Variants in AMPD1 observed in about 807,000 individuals in gnomAD.
AMPD1 encodes AMP deaminase 1.
A neutral mutation model predicts 82.9 loss-of-function variants in AMPD1; 74 were observed. That is an observed-to-expected ratio of 0.89 (90% CI 0.74 to 1.08). The LOEUF is 1.08. Among genes scored for constraint, AMPD1 ranks in the 50% least tolerant of loss-of-function variants. AMPD1 has a pLI of 0.00. For missense variants in AMPD1, 881 were observed against 924.5 expected (o/e 0.95, Z 0.61); for synonymous variants, 333 against 320.5 (o/e 1.04, Z -0.42).
At chr1:114,679,861 T>C (rs764929472) in intron 6 of AMPD1, among the ~76,000 whole-genome samples, 153 bp from the exon 7 acceptor site, 2 of 152,176 alleles carry the variant, frequency 1.3e-5, no homozygotes, top group Non-Finnish European at 2.9e-5. Flanking sequence ...CACTGAGAAG[T>C]AGTGGGCTCC....
Position 114,686,924 on chromosome 1 carries a change from T to A in AMPD1, c.216-14A>T. On this transcript the variant is annotated splice_polypyrimidine_tract_variant and intron_variant, in intron 3 of 15. Coordinates refer to ENST00000520113, the MANE Select transcript of AMPD1 (RefSeq NM_000036.3). ...AAACGCTTTTTTCTGGGTTCGAAAT[T>A]TAAAAGTAAGAGTTAATTTTGTCTT... is the stretch of plus-strand genomic sequence containing the variant. 1 of 1,614,042 alleles carries A rather than the reference T, an allele frequency of 6.2e-7. No individual in the cohort carries two copies. Among genetic ancestry groups the A allele is most frequent in the Non-Finnish European group, 8.5e-7 (1 of 1,179,952 alleles).
At position 114,680,263 on chromosome 1, in the gene AMPD1, G is replaced by A. The variant is rs1658116163; in HGVS notation, c.763C>T (p.Pro255Ser). 1 of 1,613,298 alleles carries A rather than the reference G, an allele frequency of 6.2e-7. No homozygotes were observed. The highest frequency in any genetic ancestry group is 8.5e-7 in the Non-Finnish European group (1 of 1,179,932). The part of the protein sequence containing the change: ...NFLLALIAQG[P>S]VKTYTHRRLK... ...TAGGTCTCACTAAACACTTACACAG[G>A]TCCTTGAGCAATTAAAGCAAGTAAA... Residue 255 changes from proline to serine, a missense_variant, in exon 6 of 16, where the codon CCT becomes TCT. Around this residue, in one of 2 missense-constraint regions of AMPD1, gnomAD observed 783 missense variants for 786.4 expected, o/e 1.00. Transcript: ENST00000520113.
At chr1:114,686,629 A>G (rs930740467) in intron 4 of AMPD1, 116 bp downstream of exon 4, 4 of 1,086,576 alleles carry the variant, frequency 3.7e-6, no homozygotes, top group Non-Finnish European at 5.6e-6. Flanking sequence ...GAAGTGTAAC[A>G]AAGGACAGGT....
At position 114,673,212 on chromosome 1, in the gene AMPD1, G is replaced by A. The variant is rs143596876; in HGVS notation, c.2146C>T (p.Arg716Trp). 163 of 1,614,034 alleles carry A rather than the reference G, an allele frequency of 1.0e-4. No individual in the cohort carries two copies. In the Middle Eastern group the frequency reaches 1.2e-3, roughly 11 times the overall value. Reference sequence around the variant, plus strand: ...CGGATTTGGGCTACATTTGTCCTCCGGATATCATTTCCAGCAGGGCCTTCC... The same window carrying A: ...CGGATTTGGGCTACATTTGTCCTCCAGATATCATTTCCAGCAGGGCCTTCC... ...LEEGPAGNDIRRTNVAQIRMA... is the reference protein window; with the variant it reads ...LEEGPAGNDIWRTNVAQIRMA... Residue 716 changes from arginine to tryptophan, a missense_variant, in exon 16 of 16, where the codon CGG becomes TGG. Physicochemically the swap from Arg to Trp is moderately radical, Grantham distance 101. This residue lies in a region of AMPD1 where 98 missense variants were observed against 138.1 expected (regional missense o/e 0.71). Transcript: ENST00000520113.
At position 114,673,103 on chromosome 1, in the gene AMPD1, T is replaced by A; in HGVS notation, c.*11A>T. 6.2e-7 allele frequency: 1 copy of A among 1,608,562 alleles called. No individual in the cohort carries two copies. Among genetic ancestry groups the A allele is most frequent in the Non-Finnish European group, 8.5e-7 (1 of 1,175,148 alleles). On this transcript the variant is annotated 3_prime_UTR_variant, in exon 16 of 16. Transcript: ENST00000520113. ...AATTCTCACTCATATTATTATTTGG[T>A]TTACTTTTTTTTATTCTGTTGATTT...
intron 5 of AMPD1, among the ~76,000 whole-genome samples, chr1:114,682,733 C>T (rs865813856): frequency 3.9e-5 from 6 of 152,272 alleles, no homozygotes; most frequent in South Asian, 2.1e-4. Context: ...CGCCCGCCAC[C>T]ACGCCTGGCT....
rs375535646 is a variant in AMPD1, at chr1:114,678,053, A to T, written c.1093-12T>A. On this transcript the variant is annotated splice_polypyrimidine_tract_variant and intron_variant, in intron 8 of 15. Coordinates refer to ENST00000520113, the MANE Select transcript of AMPD1 (RefSeq NM_000036.3). The stretch of plus-strand genomic sequence containing the variant: ...AAGGTCTGGCGTCCCTGAATCAGGA[A>T]AAAAGAGCAGAGATGTATTATTACC... The T allele has an allele frequency of 2.9e-5, 46 of 1,613,834 alleles. 1 individual carries two copies. Among genetic ancestry groups the T allele is most frequent in the East Asian group, 2.5e-4 (11 of 44,872 alleles).
chr1:114,690,945 T>C (rs1378864568), intron 2 of AMPD1, among the ~76,000 whole-genome samples: 1 of 152,226 alleles, frequency 6.6e-6, no homozygotes, highest in African/African-American at 2.4e-5. Context: ...AAGGACAGTA[T>C]GGAAATGGAT....
Position 114,684,269 on chromosome 1 carries a change from A to G in AMPD1, c.477T>C (p.Pro159=). Residue 159 remains proline, a synonymous_variant, in exon 5 of 16, where the codon CCT becomes CCC. Coordinates refer to ENST00000520113, the MANE Select transcript of AMPD1 (RefSeq NM_000036.3). Reference sequence around the variant, plus strand: ...TCCGCAAGTATTTGGAAGGGGTTTTAGGGAACCTCTGAAACGACTTCTGCA... The same window carrying G: ...TCCGCAAGTATTTGGAAGGGGTTTTGGGGAACCTCTGAAACGACTTCTGCA... ...KYMQKSFQRF[P]KTPSKYLRNI... The G allele has an allele frequency of 6.2e-7, 1 of 1,614,174 alleles. No homozygotes were observed. Among genetic ancestry groups the G allele is most frequent in the Non-Finnish European group, 8.5e-7 (1 of 1,180,026 alleles).
In AMPD1 at chr1:114,677,924, C is replaced by T. The variant is rs762722076; in HGVS notation, c.1210G>A (p.Ala404Thr). The T allele has an allele frequency of 6.2e-7, 1 of 1,613,528 alleles. No homozygotes were observed. Among genetic ancestry groups the T allele is most frequent in the Admixed American group, 1.7e-5 (1 of 59,906 alleles). Reference sequence around the variant, plus strand: ...TTCCGCCTCACCTTGATGATAGTGGCAAAATATTCCCCATTAATGTAATTG... The same window carrying T: ...TTCCGCCTCACCTTGATGATAGTGGTAAAATATTCCCCATTAATGTAATTG... The part of the protein sequence containing the change: ...TDNYINGEYF[A>T]TIIKEVGADL... Residue 404 changes from alanine to threonine, a missense_variant, in exon 9 of 16, where the codon GCC becomes ACC. Physicochemically the swap from Ala to Thr is moderately conservative, Grantham distance 58. Around this residue, in one of 2 missense-constraint regions of AMPD1, gnomAD observed 783 missense variants for 786.4 expected, o/e 1.00. Coordinates refer to ENST00000520113, the MANE Select transcript of AMPD1 (RefSeq NM_000036.3).
In AMPD1 at chr1:114,680,836, C is replaced by T. The variant is rs1405087450; in HGVS notation, c.548-358G>A. Among the ~76,000 whole-genome samples, 13 of 152,076 alleles carry T rather than the reference C, an allele frequency of 8.5e-5. No homozygotes were observed. In the South Asian group the frequency reaches 2.1e-3, roughly 24 times the overall value. ...ACACAAATTAGCCAGGCTGTGGCGG[C>T]GTGTGCCTGTTACCTCAGCTACTCA... On this transcript the variant is annotated intron_variant, in intron 5 of 15. Coordinates refer to ENST00000520113, the MANE Select transcript of AMPD1 (RefSeq NM_000036.3).
intron 2 of AMPD1, chr1:114,689,056 G>T: frequency 1.7e-6 from 1 of 586,962 alleles, no homozygotes. Flanking sequence ...TTTCTGGCAA[G>T]GCTAAGTTTG....
intron 3 of AMPD1, among the ~76,000 whole-genome samples, chr1:114,688,293 A>G (rs2101723690): frequency 6.6e-6 from 1 of 152,128 alleles, no homozygotes; most frequent in East Asian, 1.9e-4. Context: ...GTGCCTGGCT[A>G]ATTTTTGTAT....
Position 114,675,554 on chromosome 1 carries a change from A to T in AMPD1, c.1655T>A (p.Ile552Asn), listed in dbSNP as rs1211055526. Residue 552 changes from isoleucine (I) to asparagine (N), a missense_variant, in exon 12 of 16, where the codon ATC (isoleucine) becomes AAC (asparagine). By Grantham distance (149) the Ile-to-Asn change is moderately radical. Transcript: ENST00000520113. Reference sequence around the variant, plus strand: ...CTTTCTCAGGCTGTTGAGCACCATGATGTTTGCATACATGTAGTAGGCATA... The same window carrying T: ...CTTTCTCAGGCTGTTGAGCACCATGTTGTTTGCATACATGTAGTAGGCATA... Reference protein sequence around the residue: ...TYYAYYMYANIMVLNSLRKER... With the variant: ...TYYAYYMYANNMVLNSLRKER... 1.2e-6 allele frequency: 2 copies of T among 1,614,148 alleles called. No individual in the cohort carries two copies. Among genetic ancestry groups the T allele is most frequent in the Admixed American group, 1.7e-5 (1 of 60,016 alleles).
At chr1:114,687,451 C>T (rs1327228997) in intron 3 of AMPD1, among the ~76,000 whole-genome samples, 2 of 152,146 alleles carry the variant, frequency 1.3e-5, no homozygotes, top group Non-Finnish European at 2.9e-5. Flanking sequence ...AAGTTTATTG[C>T]TTTGACCCAA....
intron 3 of AMPD1, among the ~76,000 whole-genome samples, chr1:114,687,229 G>T (rs914781477): frequency 3.3e-5 from 5 of 152,092 alleles, no homozygotes; most frequent in Admixed American, 3.3e-4. Flanking sequence ...CACAGGCTAT[G>T]TCAGTTACTA....
chr1:114,685,824 A>G (rs1287878023), intron 4 of AMPD1, among the ~76,000 whole-genome samples: 1 of 152,112 alleles, frequency 6.6e-6, no homozygotes, highest in African/African-American at 2.4e-5. Flanking sequence ...ACCCCCTGCC[A>G]TTTAGAGAGC....
chr1:114,674,865 C>G lies in AMPD1; in HGVS notation c.1687G>C (p.Gly563Arg), dbSNP rs370481249. 15 of 1,614,002 alleles carry G rather than the reference C, an allele frequency of 9.3e-6. No individual in the cohort carries two copies. Among genetic ancestry groups the G allele is most frequent in the African/African-American group, 1.3e-5 (1 of 74,908 alleles). ...GGTCGGAACAGAAACGTATTCATGC[C>G]TCGTTCCCTGGGGAAATAGAACTGC... Reference protein sequence around the residue: ...MVLNSLRKERGMNTFLFRPHC... With the variant: ...MVLNSLRKERRMNTFLFRPHC... The change falls in exon 13 of 16, where the codon GGC (glycine) becomes CGC (arginine). Residue 563 changes from glycine to arginine, a missense_variant. Gly to Arg is a moderately radical substitution (Grantham distance 125). Transcript: ENST00000520113.
intron 2 of AMPD1, among the ~76,000 whole-genome samples, chr1:114,692,062 A>T (rs1658532178): frequency 2.0e-5 from 3 of 152,266 alleles, no homozygotes; most frequent in Admixed American, 2.0e-4. Context: ...AATAACGTCA[A>T]CTTCAGAGAA....
Sources: gnomAD v4.1 joint callset for allele counts (sites outside exome capture counted in the v4.1 genomes callset) on GRCh38, gnomAD v4.1.1 for gene constraint, gnomAD v4.1.1 regional missense constraint, MANE v1.5 for transcripts, NCBI Gene and HGNC (gene_info 2026-07-23, HGNC 2026-07-21) for gene names.